The following MOV10L1 variants were observed in gnomAD, a reference collection of about 807,000 sequenced individuals.
MOV10L1 encodes the protein Mov10 like RNA helicase 1.
MOV10L1 carries 110 observed loss-of-function variants against 143.8 expected under a neutral mutation model. That is an observed-to-expected ratio of 0.76 (90% CI 0.66 to 0.90). MOV10L1 has a LOEUF of 0.90. Ranked by LOEUF, MOV10L1 falls within the 40% of genes least tolerant of loss-of-function variation. The pLI, the probability that MOV10L1 is intolerant of heterozygous loss-of-function variation, is 0.00. For synonymous variants in MOV10L1, 593 were observed against 581.1 expected (o/e 1.02, Z -0.29); for missense variants, 1,406 against 1,526.8 (o/e 0.92, Z 1.32).
Position 50,092,291 on chromosome 22 carries a change from G to A in MOV10L1, c.282+106G>A. 3 of 1,002,460 alleles carry A rather than the reference G, an allele frequency of 3.0e-6. No homozygotes were observed. The South Asian group carries it at 4.8e-5, about 16-fold the overall frequency. 62.1% of individuals were successfully genotyped at this position (1,002,460 alleles called of 1,614,324 possible). A position where few individuals can be genotyped will look rare whatever the true frequency, so the allele number is the denominator to read the frequency against. On this transcript the variant is annotated intron_variant, in intron 2 of 26. Coordinates refer to ENST00000262794, the MANE Select transcript of MOV10L1 (RefSeq NM_018995.3). ...ACATGACCCGGCCAAGGGAGAAAGA[G>A]TGGAATGTACCTTCAAGGGGATGCT...
chr22:50,137,520 A>G lies in MOV10L1; in HGVS notation c.2070+2890A>G, dbSNP rs529523352. Among the ~76,000 whole-genome samples the G allele has an allele frequency of 2.0e-5, 3 of 151,868 alleles. No individual in the cohort carries two copies. The East Asian group carries it at 5.8e-4, about 29-fold the overall frequency. Reference sequence around the variant, plus strand: ...CGCGCCACTGCACTCCAGCGTGGGCAATAGAATACAGCAAGACTCCATCCC... The same window carrying G: ...CGCGCCACTGCACTCCAGCGTGGGCGATAGAATACAGCAAGACTCCATCCC... On this transcript the variant is annotated intron_variant, in intron 15 of 26. Coordinates refer to ENST00000262794, the MANE Select transcript of MOV10L1 (RefSeq NM_018995.3).
chr22:50,090,562 C>CT (rs1254755798), intron 1 of MOV10L1: 1 of 1,583,046 alleles, frequency 6.3e-7, no homozygotes, highest in African/African-American at 1.3e-5. Context: ...TTGGCCTGTC[C>CT]TTTCAGAACG....
chr22:50,161,063 C>G lies in MOV10L1; in HGVS notation c.3554+8C>G, dbSNP rs780757764. On this transcript the variant is annotated splice_region_variant and intron_variant, in intron 26 of 26. Transcript: ENST00000262794. ...ACTGCAGTCTCTGCAAAAGTGAGCG[C>G]TTCTGCTGTCTTCCTCAAAGACAGG... 22 of 1,612,664 alleles carry G rather than the reference C, an allele frequency of 1.4e-5. No individual in the cohort carries two copies. Among genetic ancestry groups the G allele is most frequent in the South Asian group, 6.6e-5 (6 of 91,054 alleles).
chr22:50,108,210 A>T lies in MOV10L1; in HGVS notation c.517A>T (p.Thr173Ser). ...GCCTGGCACGTGGAGCAGCGAAGCC[A>T]CCTCAGTGAAGCCACTGAGATACAA... ...IRPGTWSSEA[T>S]SVKPLRYKRV... Residue 173 changes from threonine to serine, a missense_variant, in exon 4 of 27, where the codon ACC (threonine) becomes TCC (serine). Thr to Ser is a moderately conservative substitution (Grantham distance 58, BLOSUM62 1). Transcript: ENST00000262794. 6.2e-7 allele frequency: 1 copy of T among 1,614,034 alleles called. No homozygotes were observed. Among genetic ancestry groups the T allele is most frequent in the Non-Finnish European group, 8.5e-7 (1 of 1,180,006 alleles).
At position 50,147,085 on chromosome 22, in the gene MOV10L1, G is replaced by A; in HGVS notation, c.2627+1275G>A. ...CCGAAGAGCCAGTCCTCACTGGGGT[G>A]CAGAGGGCTCTTTGGGGGCAGAGCG... On this transcript the variant is annotated intron_variant, in intron 19 of 26. Coordinates refer to ENST00000262794, the MANE Select transcript of MOV10L1 (RefSeq NM_018995.3). The A allele has an allele frequency of 1.9e-6, 3 of 1,562,234 alleles. No individual in the cohort carries two copies. In the South Asian group the frequency reaches 3.5e-5, roughly 18 times the overall value.
intron 19 of MOV10L1, chr22:50,147,011 GAC>G (rs2063170199): frequency 6.5e-7 from 1 of 1,533,670 alleles, no homozygotes; most frequent in African/African-American, 1.4e-5. Context: ...ATCTGAACAA[GAC>G]AGGGATTTTT....
chr22:50,104,136 G>C (rs2061812439), intron 3 of MOV10L1, among the ~76,000 whole-genome samples: 1 of 152,148 alleles, frequency 6.6e-6, no homozygotes, highest in Non-Finnish European at 1.5e-5. Context: ...TAGGGTTCCA[G>C]CTCCTATGAG....
At chr22:50,145,609 G>A in intron 18 of MOV10L1, 80 bp from the exon 19 acceptor site, 1 of 1,559,956 alleles carries the variant, frequency 6.4e-7, no homozygotes, top group South Asian at 1.1e-5. Flanking sequence ...ACTAAGAAGT[G>A]GTACCAGGGC....
chr22:50,119,943 C>T (rs1431944704), intron 9 of MOV10L1, among the ~76,000 whole-genome samples: 4 of 152,130 alleles, frequency 2.6e-5, no homozygotes, highest in African/African-American at 9.7e-5. Flanking sequence ...GGCTTCTCCT[C>T]TCCTGTCTGT....
chr22:50,101,686 A>G (rs1387095507), intron 3 of MOV10L1, among the ~76,000 whole-genome samples: 2 of 151,688 alleles, frequency 1.3e-5, no homozygotes, highest in African/African-American at 2.4e-5. Context: ...TAATTTTTGT[A>G]TTTTTAGTAG....
chr22:50,113,849 C>A, intron 6 of MOV10L1, 61 bp downstream of exon 6: 5 of 1,319,934 alleles, frequency 3.8e-6, no homozygotes, highest in South Asian at 2.2e-5. Context: ...CACTATGACT[C>A]AATAATTTCT....
chr22:50,144,386 T>C (rs2063077291), intron 18 of MOV10L1, 143 bp downstream of exon 18: 6 of 1,037,538 alleles, frequency 5.8e-6, no homozygotes, highest in Admixed American at 2.9e-5. Context: ...GGCTCTGCCA[T>C]GGGCCCTCCC....
At chr22:50,115,542 C>T (rs148921387) in intron 8 of MOV10L1, among the ~76,000 whole-genome samples, 72 of 152,276 alleles carry the variant, frequency 4.7e-4, no homozygotes, top group African/African-American at 1.7e-3. Flanking sequence ...CGGAGCAAGA[C>T]TCTGTCTCAA....
At chr22:50,147,850 CT>C (rs2063194110) in intron 19 of MOV10L1, among the ~76,000 whole-genome samples, 1 of 152,224 alleles carries the variant, frequency 6.6e-6, no homozygotes, top group South Asian at 2.1e-4. Flanking sequence ...ATTTCCACAT[CT>C]TTCACTGGGA....
chr22:50,117,315 C>A lies in MOV10L1; in HGVS notation c.1418C>A (p.Ser473Tyr), dbSNP rs745511954. The change falls in exon 9 of 27, where the codon TCC (serine) becomes TAC (tyrosine). Residue 473 changes from serine (S) to tyrosine (Y), a missense_variant. Ser to Tyr is a moderately radical substitution (Grantham distance 144). Around this residue, in one of 3 missense-constraint regions of MOV10L1, gnomAD observed 1,233 missense variants for 1,351.4 expected, o/e 0.91. Coordinates refer to ENST00000262794, the MANE Select transcript of MOV10L1 (RefSeq NM_018995.3). ...KKLKSSQALT[S>Y]AKTTVVVTAQ... The stretch of plus-strand genomic sequence containing the variant: ...CTTAAAAGTTCACAAGCGTTAACAT[C>A]CGCAAAAACTACAGTTGTTGTGACC... The A allele has an allele frequency of 1.9e-6, 3 of 1,614,062 alleles. No homozygotes were observed.
At chr22:50,118,360 A>G (rs1007481974) in intron 9 of MOV10L1, among the ~76,000 whole-genome samples, 1 of 152,178 alleles carries the variant, frequency 6.6e-6, no homozygotes, top group Admixed American at 6.6e-5. Context: ...GAGGTCAGAC[A>G]TGTAAAATGT....
intron 5 of MOV10L1, among the ~76,000 whole-genome samples, chr22:50,112,273 C>T (rs527484223): frequency 4.6e-5 from 7 of 152,326 alleles, no homozygotes; most frequent in Admixed American, 1.3e-4. Flanking sequence ...AAGCCTGGGA[C>T]GCACAGGAGC....
chr22:50,134,012 C>G lies in MOV10L1; in HGVS notation c.1916C>G (p.Thr639Arg), dbSNP rs1236842672. Residue 639 changes from threonine to arginine, a missense_variant, in exon 14 of 27, where the codon ACA (threonine) becomes AGA (arginine). Coordinates refer to ENST00000262794, the MANE Select transcript of MOV10L1 (RefSeq NM_018995.3). ...TGTGGTTTTCTTTCCTGCAGGACCA[C>G]AAGCAGACGGTGTCACTTTGCACTT... The part of the protein sequence containing the change: ...MDVEFTYNRT[T>R]SRRCHFALEH... 4 of 1,611,322 alleles carry G rather than the reference C, an allele frequency of 2.5e-6. No individual in the cohort carries two copies. The highest frequency in any genetic ancestry group is 3.4e-6 in the Non-Finnish European group (4 of 1,179,398).
At chr22:50,116,150 G>A (rs2062168442) in intron 8 of MOV10L1, among the ~76,000 whole-genome samples, 1 of 151,104 alleles carries the variant, frequency 6.6e-6, no homozygotes, top group East Asian at 1.9e-4. Context: ...GCTGTGGGTG[G>A]CAAGTGCACA....
Sources: allele counts gnomAD v4.1 joint callset (sites outside exome capture counted in the v4.1 genomes callset), GRCh38; gene constraint gnomAD v4.1.1; regional missense constraint gnomAD v4.1.1; transcripts MANE v1.5; gene names NCBI Gene and HGNC (gene_info 2026-07-23, HGNC 2026-07-21).